Variants in ACMSD observed in about 807,000 individuals in gnomAD.
ACMSD encodes the protein aminocarboxymuconate semialdehyde decarboxylase.
ACMSD carries 37 observed loss-of-function variants against 45.9 expected under a neutral mutation model. That is an observed-to-expected ratio of 0.81 (90% CI 0.62 to 1.06). The LOEUF (loss-of-function observed/expected upper bound fraction) is 1.06, where lower values mean the gene tolerates loss of function less well. Among genes scored for constraint, ACMSD ranks in the 50% least tolerant of loss-of-function variants. ACMSD has a pLI of 0.00. For missense variants in ACMSD, 434 were observed against 420.9 expected (o/e 1.03, Z -0.27); for synonymous variants, 138 against 148.8 (o/e 0.93, Z 0.53).
intron 2 of ACMSD, among the ~76,000 whole-genome samples, chr2:134,845,919 G>A (rs1301116764): frequency 6.6e-6 from 1 of 152,186 alleles, no homozygotes; most frequent in Non-Finnish European, 1.5e-5. Context: ...TGAGCTTCCA[G>A]CTGGCATGCA....
chr2:134,847,216 A>G (rs1256295980), intron 2 of ACMSD, among the ~76,000 whole-genome samples: 1 of 151,998 alleles, frequency 6.6e-6, no homozygotes, highest in East Asian at 1.9e-4. Context: ...CTCTGTGGAG[A>G]ACACATAGAG....
chr2:134,848,738 G>A (rs1283557562), intron 2 of ACMSD, among the ~76,000 whole-genome samples: 4 of 152,142 alleles, frequency 2.6e-5, no homozygotes, highest in African/African-American at 7.2e-5. Flanking sequence ...TGTTCACTCT[G>A]ATGATAGTTT....
chr2:134,896,824 C>T (rs776096496), intron 8 of ACMSD, among the ~76,000 whole-genome samples: 3 of 152,028 alleles, frequency 2.0e-5, no homozygotes, highest in Admixed American at 6.6e-5. Flanking sequence ...CATGGGTGAA[C>T]CTTGAAAACA....
chr2:134,843,306 G>A (rs144353564), intron 1 of ACMSD, among the ~76,000 whole-genome samples: 1 of 152,250 alleles, frequency 6.6e-6, no homozygotes, highest in Admixed American at 6.5e-5. Context: ...CTGCAAAACC[G>A]GTTCTGCTGA....
chr2:134,863,549 A>T lies in ACMSD; in HGVS notation c.404A>T (p.Glu135Val). 1.2e-6 allele frequency: 2 copies of T among 1,614,162 alleles called. No individual in the cohort carries two copies. The highest frequency in any genetic ancestry group is 1.7e-6 in the Non-Finnish European group (2 of 1,180,010). The change falls in exon 5 of 10, where the codon GAG (glutamate) becomes GTG (valine). Residue 135 changes from glutamate to valine, a missense_variant. Transcript: ENST00000356140. ...AVKEMERCVK[E>V]LGFPGVQIGT... ...AAGGAGATGGAGCGCTGTGTGAAAG[A>T]GCTGGGCTTTCCCGGGGTCCAAATT... is the stretch of plus-strand genomic sequence containing the variant.
In ACMSD at chr2:134,847,367, G is replaced by A. The variant is rs886841523; in HGVS notation, c.102+2090G>A. ...CTTTGAACTTGATCCTGAAGACAGT[G>A]GGGAACCACTAAAGAGTTTTTTGGG... On this transcript the variant is annotated intron_variant, in intron 2 of 9. Transcript: ENST00000356140. 3.3e-5 allele frequency among the ~76,000 whole-genome samples: 5 copies of A among 151,518 alleles called. No individual in the cohort carries two copies. In the East Asian group the frequency reaches 7.7e-4, roughly 23 times the overall value.
At chr2:134,858,774 G>A (rs1225886699) in intron 2 of ACMSD, among the ~76,000 whole-genome samples, 1 of 151,876 alleles carries the variant, frequency 6.6e-6, no homozygotes, top group Non-Finnish European at 1.5e-5. Context: ...CCTCCCACAG[G>A]TATTGACACT....
chr2:134,896,699 TG>T (rs1414461787), intron 8 of ACMSD, among the ~76,000 whole-genome samples: 1 of 152,124 alleles, frequency 6.6e-6, no homozygotes, highest in East Asian at 1.9e-4. Flanking sequence ...TACATGCTGG[TG>T]GGAATGTAGA....
chr2:134,881,022 C>T (rs1044179614), intron 8 of ACMSD, among the ~76,000 whole-genome samples: 1 of 152,206 alleles, frequency 6.6e-6, no homozygotes, highest in Admixed American at 6.5e-5. Context: ...TATTTAGAGA[C>T]AAAGTCTCAC....
intron 8 of ACMSD, among the ~76,000 whole-genome samples, chr2:134,897,069 A>G (rs1690196398): frequency 6.6e-6 from 1 of 152,166 alleles, no homozygotes; most frequent in African/African-American, 2.4e-5. Flanking sequence ...GGAAATGATT[A>G]CACAAACTTA....
intron 8 of ACMSD, among the ~76,000 whole-genome samples, chr2:134,884,586 C>T (rs567619994): frequency 5.9e-5 from 9 of 152,226 alleles, no homozygotes; most frequent in South Asian, 2.1e-4. Flanking sequence ...GACAAATGAA[C>T]TTCCAGTGAA....
Position 134,888,460 on chromosome 2 carries a change from T to C in ACMSD, c.850-9881T>C, listed in dbSNP as rs80320756. 4.5e-4 allele frequency among the ~76,000 whole-genome samples: 69 copies of C among 152,276 alleles called. 1 individual carries two copies. Among genetic ancestry groups the C allele is most frequent in the African/African-American group, 1.6e-3 (65 of 41,542 alleles). On this transcript the variant is annotated intron_variant, in intron 8 of 9. Transcript: ENST00000356140. Reference sequence around the variant, plus strand: ...TCCTATCACCCAACAGTTTTACTCCTAGGTATTTACCTAAGAGAACTGAAA... The same window carrying C: ...TCCTATCACCCAACAGTTTTACTCCCAGGTATTTACCTAAGAGAACTGAAA...
At chr2:134,898,604 CA>C (rs1035401408) in intron 9 of ACMSD, among the ~76,000 whole-genome samples, 165 bp downstream of exon 9, 3 of 151,282 alleles carry the variant, frequency 2.0e-5, no homozygotes, top group Admixed American at 6.6e-5. Flanking sequence ...TATTAAAGGA[CA>C]AAAAAAATGA....
chr2:134,881,914 T>C (rs1370656225), intron 8 of ACMSD, among the ~76,000 whole-genome samples: 2 of 152,046 alleles, frequency 1.3e-5, no homozygotes, highest in East Asian at 3.9e-4. Context: ...GGTCAGGAGT[T>C]TGAGACCAAC....
chr2:134,876,565 A>G (rs533949974), intron 8 of ACMSD, among the ~76,000 whole-genome samples: 1 of 152,328 alleles, frequency 6.6e-6, no homozygotes, highest in African/African-American at 2.4e-5. Flanking sequence ...TTCGGGGTCA[A>G]TAACACAGCT....
chr2:134,866,788 T>C (rs1688120649), intron 5 of ACMSD, among the ~76,000 whole-genome samples: 1 of 152,248 alleles, frequency 6.6e-6, no homozygotes, highest in African/African-American at 2.4e-5. Flanking sequence ...ATTAAACTTT[T>C]TGTTGCATAA....
At chr2:134,898,134 T>C (rs1318774447) in intron 8 of ACMSD, among the ~76,000 whole-genome samples, 4 of 151,606 alleles carry the variant, frequency 2.6e-5, no homozygotes, top group African/African-American at 9.7e-5. Context: ...AGAGACCTAA[T>C]AGTGACACCT....
At chr2:134,897,619 T>A (rs1219112836) in intron 8 of ACMSD, among the ~76,000 whole-genome samples, 1 of 152,162 alleles carries the variant, frequency 6.6e-6, no homozygotes, top group African/African-American at 2.4e-5. Context: ...TGACATAATA[T>A]CTTTCTCACT....
chr2:134,842,627 C>G (rs544209101), intron 1 of ACMSD, among the ~76,000 whole-genome samples: 1 of 152,164 alleles, frequency 6.6e-6, no homozygotes, highest in South Asian at 2.1e-4. Flanking sequence ...GTGCCCCCAT[C>G]ATCACCACCG....
Sources: gnomAD v4.1 joint callset for allele counts (sites outside exome capture counted in the v4.1 genomes callset) on GRCh38, gnomAD v4.1.1 for gene constraint, MANE v1.5 for transcripts, NCBI Gene and HGNC (gene_info 2026-07-23, HGNC 2026-07-21) for gene names.